The following TLN2 variants were observed in gnomAD, a reference collection of about 807,000 sequenced individuals.
TLN2 encodes the protein talin 2.
A neutral mutation model predicts 294.7 loss-of-function variants in TLN2; 118 were observed. The observed-to-expected ratio is 0.40, with a 90% CI of 0.34 to 0.47. TLN2 has a LOEUF of 0.47. Among genes scored for constraint, TLN2 ranks in the 20% least tolerant of loss-of-function variants. The pLI is 0.84. For synonymous variants in TLN2, 1,431 were observed against 1,304.5 expected (o/e 1.10, Z -2.09); for missense variants, 3,083 against 3,282.2 (o/e 0.94, Z 1.48).
At chr15:62,763,442 C>T in intron 39 of TLN2, 121 bp from the exon 40 acceptor site, 1 of 1,383,654 alleles carries the variant, frequency 7.2e-7, no homozygotes, top group Non-Finnish European at 9.6e-7. Context: ...GGGATTCCTC[C>T]TGAAAGGAGG....
chr15:62,794,216 T>G (rs2065291133), intron 46 of TLN2, among the ~76,000 whole-genome samples: 1 of 152,180 alleles, frequency 6.6e-6, no homozygotes, highest in Admixed American at 6.5e-5. Context: ...GTCCCTGATT[T>G]AGGACACCTG....
At chr15:62,530,995 A>T (rs1338902284) in intron 1 of TLN2, among the ~76,000 whole-genome samples, 1 of 151,984 alleles carries the variant, frequency 6.6e-6, no homozygotes, top group Admixed American at 6.6e-5. Context: ...GTCGTGAATA[A>T]TTTTTCCTAT....
chr15:62,824,172 G>C, intron 54 of TLN2: 1 of 332,744 alleles, frequency 3.0e-6, no homozygotes. Context: ...TAGCATTTGA[G>C]ACCTGTATCA....
In TLN2 at chr15:62,450,424, C is replaced by T. The variant is rs144071165; in HGVS notation, c.-238+59739C>T. Among the ~76,000 whole-genome samples, 246 of 148,584 alleles carry T rather than the reference C, an allele frequency of 1.7e-3. 1 individual carries two copies. Among genetic ancestry groups the T allele is most frequent in the African/African-American group, 5.5e-3 (224 of 40,798 alleles). On this transcript the variant is annotated intron_variant, in intron 1 of 58. Transcript: ENST00000636159. ...TAAATACATATTCAACATAGATAGT[C>T]GCCTGTAGGAGATACAGTTGGGGAT...
At chr15:62,460,988 C>T (rs2036770304) in intron 1 of TLN2, among the ~76,000 whole-genome samples, 2 of 151,970 alleles carry the variant, frequency 1.3e-5, no homozygotes, top group African/African-American at 4.8e-5. Flanking sequence ...CTCTGTTGCC[C>T]AGCAGGCTGG....
intron 32 of TLN2, among the ~76,000 whole-genome samples, chr15:62,741,756 T>C (rs202196326): frequency 7.5e-6 from 1 of 132,976 alleles, no homozygotes; most frequent in Non-Finnish European, 1.7e-5. Context: ...CGCGTGTGTG[T>C]GTGTGTGTGT....
chr15:62,658,781 T>A (rs964903111), intron 9 of TLN2, among the ~76,000 whole-genome samples: 8 of 152,338 alleles, frequency 5.3e-5, no homozygotes, highest in Admixed American at 5.2e-4. Flanking sequence ...TCGAAGGCCA[T>A]GTGCACAAGT....
chr15:62,588,681 T>C (rs1480186417), intron 1 of TLN2, among the ~76,000 whole-genome samples: 2 of 112,594 alleles, frequency 1.8e-5, no homozygotes, highest in Non-Finnish European at 3.4e-5. Context: ...TATATATATA[T>C]ATATATATAT....
chr15:62,423,875 C>G (rs944734393), intron 1 of TLN2, among the ~76,000 whole-genome samples: 1 of 152,168 alleles, frequency 6.6e-6, no homozygotes, highest in Non-Finnish European at 1.5e-5. Context: ...CAACCGTGCC[C>G]GGCCTGAAAT....
intron 3 of TLN2, among the ~76,000 whole-genome samples, chr15:62,636,535 A>G (rs1281552931): frequency 2.0e-5 from 3 of 152,208 alleles, no homozygotes; most frequent in African/African-American, 7.2e-5. Flanking sequence ...GTTAACATAG[A>G]TAAGTGGCAA....
At chr15:62,400,785 A>G (rs960577570) in intron 1 of TLN2, among the ~76,000 whole-genome samples, 2 of 148,878 alleles carry the variant, frequency 1.3e-5, no homozygotes, top group South Asian at 2.1e-4. Flanking sequence ...TGTTTATTTC[A>G]GTGTCAGCAA....
Position 62,618,953 on chromosome 15 carries a change from G to A in TLN2, c.-37+478G>A, listed in dbSNP as rs8037064. 2.6e-3 allele frequency among the ~76,000 whole-genome samples: 389 copies of A among 152,344 alleles called. 4 individuals are homozygous for A. The highest frequency in any genetic ancestry group is 9.1e-3 in the African/African-American group (379 of 41,582). On this transcript the variant is annotated intron_variant, in intron 3 of 58. Coordinates refer to ENST00000636159, the MANE Select transcript of TLN2 (RefSeq NM_015059.3). ...ACCATATAAACTAGTTTACGGGACT[G>A]AATACTTGTGCCTTTCATTTTTGCA...
chr15:62,721,640 A>G (rs2140917914), intron 25 of TLN2, among the ~76,000 whole-genome samples: 1 of 152,306 alleles, frequency 6.6e-6, no homozygotes, highest in East Asian at 1.9e-4. Context: ...TCTTTGATCC[A>G]GAAATTCAAC....
chr15:62,489,397 A>C (rs1297972871), intron 1 of TLN2, among the ~76,000 whole-genome samples: 1 of 152,206 alleles, frequency 6.6e-6, no homozygotes, highest in Non-Finnish European at 1.5e-5. Context: ...TCTCAGAGGC[A>C]CTTTTAAAAA....
intron 54 of TLN2, among the ~76,000 whole-genome samples, chr15:62,823,012 A>G (rs2067712933): frequency 6.6e-6 from 1 of 152,212 alleles, no homozygotes; most frequent in African/African-American, 2.4e-5. Flanking sequence ...CTCTAGGATC[A>G]TATAGCCTTT....
chr15:62,570,359 CT>C (rs746202982), intron 1 of TLN2, among the ~76,000 whole-genome samples: 1 of 152,156 alleles, frequency 6.6e-6, no homozygotes, highest in Admixed American at 6.5e-5. Context: ...AAATATTTGT[CT>C]TGGCAGTTGT....
rs757519221 is a variant in TLN2 at position 62,814,359 on chromosome 15, T to C, written c.6771+4327T>C. ...TTCTATAGACCACACAAAAGAAATA[T>C]AAGCTAAGCACATAATGGCCCTTGC... On this transcript the variant is annotated intron_variant, in intron 52 of 58. Transcript: ENST00000636159. 1.4e-3 allele frequency among the ~76,000 whole-genome samples: 210 copies of C among 152,326 alleles called. 1 individual carries two copies. The highest frequency in any genetic ancestry group is 3.4e-3 in the Middle Eastern group (1 of 294).
chr15:62,451,786 C>G (rs1345911234), intron 1 of TLN2, among the ~76,000 whole-genome samples: 1 of 152,190 alleles, frequency 6.6e-6, no homozygotes, highest in East Asian at 1.9e-4. Flanking sequence ...ATGGGCTTCA[C>G]GAATGCTTTC....
chr15:62,818,490 A>G (rs2067293406), intron 52 of TLN2, among the ~76,000 whole-genome samples: 1 of 152,200 alleles, frequency 6.6e-6, no homozygotes, highest in Non-Finnish European at 1.5e-5. Flanking sequence ...TTCATGGATG[A>G]GTTTGAGAAG....
Sources: gnomAD v4.1 joint callset for allele counts (sites outside exome capture counted in the v4.1 genomes callset) on GRCh38, gnomAD v4.1.1 for gene constraint, MANE v1.5 for transcripts, NCBI Gene and HGNC (gene_info 2026-07-23, HGNC 2026-07-21) for gene names.